MED26: variants seen among roughly 807,000 people sequenced by gnomAD.
The protein encoded by MED26 is mediator complex subunit 26, also known as mediator of RNA polymerase II transcription subunit 26.
A neutral mutation model predicts 43.7 loss-of-function variants in MED26; 7 were observed. The observed-to-expected ratio is 0.16, with a 90% CI of 0.09 to 0.30. MED26 has a LOEUF of 0.30. MED26 is among the 10% of genes least tolerant of loss of function. The pLI is 1.00. For missense variants in MED26, 784 were observed against 840.6 expected, an observed-to-expected ratio of 0.93 and a Z score of 0.83; for synonymous variants, 375 against 371.1, an observed-to-expected ratio of 1.01 and a Z score of -0.12.
Position 16,575,923 on chromosome 19 carries a change from G to A in MED26, c.*104C>T, listed in dbSNP as rs796770884. ...CTCCCGCCTGGGCCGGACTCCCCGA[G>A]TTCCCAGCGCAGGAGGCAGCTGGGC... is the stretch of plus-strand genomic sequence containing the variant. On this transcript the variant is annotated 3_prime_UTR_variant, in exon 3 of 3. Transcript: ENST00000263390. 4 of 1,066,220 alleles carry A rather than the reference G, an allele frequency of 3.8e-6. No individual in the cohort carries two copies. The African/African-American group carries it at 6.3e-5, about 17-fold the overall frequency. 66.0% of individuals were successfully genotyped at this position (1,066,220 alleles called of 1,614,324 possible).
intron 1 of MED26, among the ~76,000 whole-genome samples, chr19:16,600,392 T>G (rs2086143126): frequency 6.6e-6 from 1 of 152,208 alleles, no homozygotes; most frequent in Non-Finnish European, 1.5e-5. Context: ...ACCTGGAGCT[T>G]CACTGATCGT....
At chr19:16,611,030 G>GA (rs1325186141) in intron 1 of MED26, 1 of 152,234 alleles carries the variant, frequency 6.6e-6, no homozygotes, top group East Asian at 1.9e-4. Flanking sequence ...AAGGGTGATG[G>GA]AAAACCACTG....
chr19:16,594,966 A>C lies in MED26; in HGVS notation c.73-16557T>G, dbSNP rs191254077. Among the ~76,000 whole-genome samples, 7 of 152,308 alleles carry C rather than the reference A, an allele frequency of 4.6e-5. No individual in the cohort carries two copies. In the East Asian group the frequency reaches 1.4e-3, roughly 29 times the overall value. ...CTGCCTCGGCCTCACCTCTCAGAGC[A>C]GTTCCTCGAATCCAGGGCTGCTCCT... On this transcript the variant is annotated intron_variant, in intron 1 of 2. Transcript: ENST00000263390.
At chr19:16,611,625 A>G (rs1701680954) in intron 1 of MED26, 1 of 152,012 alleles carries the variant, frequency 6.6e-6, no homozygotes, top group Non-Finnish European at 1.5e-5. Flanking sequence ...CTTCCATTTT[A>G]CCCCAAGTTC....
At chr19:16,625,153 A>T (rs749022475) in intron 1 of MED26, among the ~76,000 whole-genome samples, 28 of 152,224 alleles carry the variant, frequency 1.8e-4, no homozygotes, top group Non-Finnish European at 3.2e-4. Context: ...AAAAGCTCCA[A>T]CTGCTCTGAA....
chr19:16,608,774 C>T (rs962978487), intron 1 of MED26, among the ~76,000 whole-genome samples: 17 of 152,298 alleles, frequency 1.1e-4, no homozygotes, highest in South Asian at 1.0e-3. Context: ...AGAAGCTCTA[C>T]GGCCATATGG....
chr19:16,600,165 C>T (rs1038518642), intron 1 of MED26, among the ~76,000 whole-genome samples: 2 of 152,062 alleles, frequency 1.3e-5, no homozygotes, highest in Admixed American at 1.3e-4. Flanking sequence ...CCCCCTCATC[C>T]CCCCGGGCCC....
chr19:16,586,083 C>A lies in MED26; in HGVS notation c.73-7674G>T, dbSNP rs1467489884. 6.6e-6 allele frequency among the ~76,000 whole-genome samples: 1 copy of A among 152,228 alleles called. No homozygotes were observed. The highest frequency in any genetic ancestry group is 2.4e-5 in the African/African-American group (1 of 41,452). On this transcript the variant is annotated intron_variant, in intron 1 of 2. Transcript: ENST00000263390. The surrounding 1 kb of genome is among the most constrained non-coding windows in gnomAD (Gnocchi z 5.1). ...AACTGTTCCCACCCCGCCTGAGATC[C>A]CCAGCCTCTTGGGAATGCAGCTGTG...
At chr19:16,592,328 C>T (rs1190255214) in intron 1 of MED26, among the ~76,000 whole-genome samples, 2 of 152,220 alleles carry the variant, frequency 1.3e-5, no homozygotes, top group Non-Finnish European at 2.9e-5. Context: ...CCACCAGGCA[C>T]AGCTGTGGGG....
intron 1 of MED26, chr19:16,624,587 T>G (rs1004776058): frequency 6.6e-6 from 1 of 152,280 alleles, no homozygotes; most frequent in African/African-American, 2.4e-5. Flanking sequence ...CACCGTCTAC[T>G]ATTCGTCGGA....
chr19:16,588,745 C>T (rs967529585), intron 1 of MED26: 1 of 152,308 alleles, frequency 6.6e-6, no homozygotes, highest in Non-Finnish European at 1.5e-5. Flanking sequence ...AGGGCAGTGC[C>T]CAGCACGGTG....
chr19:16,577,247 A>G lies in MED26; in HGVS notation c.583T>C (p.Ser195Pro). 2 of 1,612,886 alleles carry G rather than the reference A, an allele frequency of 1.2e-6. No individual in the cohort carries two copies. Among genetic ancestry groups the G allele is most frequent in the South Asian group, 1.1e-5 (1 of 91,084 alleles). The change falls in exon 3 of 3, where the codon TCC (serine) becomes CCC (proline). Residue 195 changes from serine (S) to proline (P), a missense_variant. By Grantham distance (74) the Ser-to-Pro change is moderately conservative. This residue lies in a region of MED26 where 719 missense variants were observed against 730.9 expected (regional missense o/e 0.98). Transcript: ENST00000263390. The surrounding 1 kb of genome is among the most constrained non-coding windows in gnomAD (Gnocchi z 8.1). ...ISGSPESFAS[S>P]LDGSGHAGPE... ...CCTGCATGCCCACTGCCATCCAGGG[A>G]GCTGGCGAAGCTCTCTGGACTCCCA...
chr19:16,619,790 C>T (rs762762640), intron 1 of MED26, among the ~76,000 whole-genome samples: 13 of 152,198 alleles, frequency 8.5e-5, no homozygotes, highest in Non-Finnish European at 1.3e-4. Flanking sequence ...ACCCAGCACA[C>T]GAATACCCGA....
Position 16,587,363 on chromosome 19 carries a change from G to A in MED26, c.73-8954C>T, listed in dbSNP as rs534302917. 3 of 152,294 alleles carry A rather than the reference G, an allele frequency of 2.0e-5. No individual in the cohort carries two copies. In the East Asian group the frequency reaches 5.8e-4, roughly 29 times the overall value. The allele number at this position is 152,294 out of a possible 1,614,324, so 9.4% of individuals were successfully genotyped here. A position where few individuals can be genotyped will look rare whatever the true frequency, so the allele number is the denominator to read the frequency against. ...GACCCCAGCTCTGCCCTCCCTCTCA[G>A]CTCTGGAAAGCGCAGCCCTGAGGGG... is the stretch of plus-strand genomic sequence containing the variant. On this transcript the variant is annotated intron_variant, in intron 1 of 2. Coordinates refer to ENST00000263390, the MANE Select transcript of MED26 (RefSeq NM_004831.5). The surrounding 1 kb of genome is among the most constrained non-coding windows in gnomAD (Gnocchi z 4.9).
chr19:16,576,244 T>C lies in MED26; in HGVS notation c.1586A>G (p.His529Arg), dbSNP rs201627212. 1.7e-5 allele frequency: 27 copies of C among 1,611,102 alleles called. No individual in the cohort carries two copies. Among genetic ancestry groups the C allele is most frequent in the Non-Finnish European group, 2.3e-5 (27 of 1,180,014 alleles). Residue 529 changes from histidine (H) to arginine (R), a missense_variant, in exon 3 of 3, where the codon CAT (histidine) becomes CGT (arginine). Physicochemically the swap from His to Arg is conservative, Grantham distance 29. Coordinates refer to ENST00000263390, the MANE Select transcript of MED26 (RefSeq NM_004831.5). The surrounding 1 kb of genome is among the most constrained non-coding windows in gnomAD (Gnocchi z 6.8). ...ESTRQGARQL[H>R]VLVPQSPPTD... is the part of the protein sequence containing the mutation. ...GGGCGGGCTTTGAGGCACCAGCACA[T>C]GCAGCTGCCTGGCCCCTTGCCGGGT... is the stretch of plus-strand genomic sequence containing the variant.
chr19:16,624,207 A>C (rs911963541), intron 1 of MED26: 4 of 152,124 alleles, frequency 2.6e-5, no homozygotes, highest in African/African-American at 9.7e-5. Context: ...TATGGGGTGC[A>C]TACACCAGTT....
intron 1 of MED26, among the ~76,000 whole-genome samples, chr19:16,598,466 G>A (rs906893615): frequency 2.6e-5 from 4 of 151,918 alleles, no homozygotes; most frequent in African/African-American, 9.7e-5. Flanking sequence ...GCGACATGAT[G>A]GTGATGCCCT....
At chr19:16,622,049 T>C (rs2122459439) in intron 1 of MED26, among the ~76,000 whole-genome samples, 1 of 152,360 alleles carries the variant, frequency 6.6e-6, no homozygotes, top group South Asian at 2.1e-4. Context: ...CTTCCAGCTC[T>C]GTTCCCCTCA....
Position 16,577,598 on chromosome 19 carries a change from G to T in MED26, c.232C>A (p.Arg78=), listed in dbSNP as rs1291902342. The change falls in exon 3 of 3, where the codon CGG becomes AGG. Residue 78 remains arginine, a synonymous_variant. Transcript: ENST00000263390. This position sits in a 1 kb window ranked among gnomAD's most constrained non-coding sequence, Gnocchi z 8.1. The part of the protein sequence containing the change: ...ELAKRAKKLL[R]SWQKLIEPAH... ...GGCTCGATGAGCTTCTGCCAGCTCC[G>T]CAGCAGCTTCTTGGCCCGCTTGGCG... The T allele has an allele frequency of 1.5e-5, 24 of 1,607,474 alleles. No individual in the cohort carries two copies. Among genetic ancestry groups the T allele is most frequent in the Non-Finnish European group, 2.0e-5 (24 of 1,175,252 alleles).
Sources: gnomAD v4.1 joint callset for allele counts (sites outside exome capture counted in the v4.1 genomes callset) on GRCh38, gnomAD v4.1.1 for gene constraint, gnomAD v4.1.1 regional missense constraint, Gnocchi (gnomAD v3.1) non-coding constraint, MANE v1.5 for transcripts, NCBI Gene and HGNC (gene_info 2026-07-23, HGNC 2026-07-21) for gene names.